Variants in LPP observed in about 807,000 individuals in gnomAD.
The protein encoded by LPP is lipoma-preferred partner.
Under a neutral mutation model 60.4 loss-of-function variants are expected in LPP, and 38 were observed. That is an observed-to-expected ratio of 0.63 (90% CI 0.49 to 0.83). The LOEUF (loss-of-function observed/expected upper bound fraction) is 0.83. Among genes scored for constraint, LPP ranks in the 40% least tolerant of loss-of-function variants. The pLI is 0.00. For missense variants in LPP, 902 were observed against 783.6 expected, an observed-to-expected ratio of 1.15 and a Z score of -1.80; for synonymous variants, 328 against 290.8, an observed-to-expected ratio of 1.13 and a Z score of -1.30.
intron 4 of LPP, among the ~76,000 whole-genome samples, chr3:188,478,512 T>A (rs1330532252): frequency 6.6e-6 from 1 of 152,048 alleles, no homozygotes; most frequent in Non-Finnish European, 1.5e-5. Flanking sequence ...TAGGTTGTGG[T>A]CAAAAAGTTT....
At chr3:188,433,599 T>A (rs201728516) in intron 4 of LPP, among the ~76,000 whole-genome samples, 112 of 137,532 alleles carry the variant, frequency 8.1e-4, no homozygotes, top group East Asian at 1.8e-3. Context: ...AGACAGAAAG[T>A]GAGAGAGAGA....
At position 188,488,125 on chromosome 3, in the gene LPP, C is replaced by T. The variant is rs576688448; in HGVS notation, c.306+3421C>T. Among the ~76,000 whole-genome samples the T allele has an allele frequency of 1.4e-4, 21 of 151,584 alleles. 1 individual carries two copies. The highest frequency in any genetic ancestry group is 1.5e-5 in the Non-Finnish European group (1 of 67,938). On this transcript the variant is annotated intron_variant, in intron 5 of 11. Transcript: ENST00000617246. ...GAATTTGAAAAATCTTGACTCCTGG[C>T]CTTGACCTTCTTCCTGCTGTCCCAG...
rs1231630914 is a variant in LPP at position 188,878,048 on chromosome 3, A to G, written c.*3569A>G. On this transcript the variant is annotated 3_prime_UTR_variant, in exon 12 of 12. Transcript: ENST00000617246. ...AAACAAGTATTTTATATTTGGGTACAGAGGAAGAAAGAGAGGGCTTTTTCC... is the reference window on the plus strand; with the variant it reads ...AAACAAGTATTTTATATTTGGGTACGGAGGAAGAAAGAGAGGGCTTTTTCC... The G allele has an allele frequency of 9.1e-6, 2 of 219,072 alleles. No individual in the cohort carries two copies. Among genetic ancestry groups the G allele is most frequent in the Admixed American group, 1.2e-4 (2 of 17,278 alleles). The allele number at this position is 219,072 out of a possible 1,614,324, so 13.6% of individuals were successfully genotyped here. A position where few individuals can be genotyped will look rare whatever the true frequency, so the allele number is the denominator to read the frequency against.
At chr3:188,681,726 G>A (rs1251544862) in intron 7 of LPP, among the ~76,000 whole-genome samples, 1 of 152,160 alleles carries the variant, frequency 6.6e-6, no homozygotes, top group Non-Finnish European at 1.5e-5. Flanking sequence ...TGGGACCCTT[G>A]TGTAATAATG....
chr3:188,561,275 G>T (rs1001628684), intron 6 of LPP, among the ~76,000 whole-genome samples: 1 of 152,040 alleles, frequency 6.6e-6, no homozygotes, highest in African/African-American at 2.4e-5. Context: ...ACTTGGCAGT[G>T]AACTTTTTTT....
intron 1 of LPP, among the ~76,000 whole-genome samples, chr3:188,203,492 AATATATATAAAT>A (rs1440591202): frequency 1.3e-5 from 1 of 76,852 alleles, no homozygotes; most frequent in Non-Finnish European, 2.3e-5. Flanking sequence ...TATATTTTTA[AATATATATAAAT>A]ATATATATTT....
chr3:188,233,195 G>A (rs1720705477), intron 2 of LPP, among the ~76,000 whole-genome samples: 1 of 152,086 alleles, frequency 6.6e-6, no homozygotes, highest in Non-Finnish European at 1.5e-5. Context: ...ATCATAATGT[G>A]CTCATGTTTT....
chr3:188,524,766 CT>C lies in LPP; in HGVS notation c.409del (p.Tyr137IlefsTer36), dbSNP rs1560518167. 9.9e-6 allele frequency: 16 copies of C among 1,613,984 alleles called. No homozygotes were observed. Among genetic ancestry groups the C allele is most frequent in the Non-Finnish European group, 1.3e-5 (15 of 1,179,942 alleles). ...ILADLECSSP[Y>X]KPRPPQSSTG... is the part of the protein sequence containing the mutation. ...TGGCTGACCTTGAGTGCAGCTCCCC[CT>C]ATAAGCCTCGGCCTCCACAGGTTAG... On this transcript the variant is annotated frameshift_variant, in exon 6 of 12. Coordinates refer to ENST00000617246, the MANE Select transcript of LPP (RefSeq NM_001375462.1). LOFTEE classifies it high-confidence loss of function.
At chr3:188,798,935 A>G (rs575709367) in intron 9 of LPP, among the ~76,000 whole-genome samples, 137 of 152,310 alleles carry the variant, frequency 9.0e-4, no homozygotes, top group Non-Finnish European at 1.6e-3. Context: ...TGTGGGTTCC[A>G]CCCTCTTCAC....
intron 6 of LPP, among the ~76,000 whole-genome samples, chr3:188,534,769 A>G (rs981318450): frequency 6.6e-6 from 1 of 152,204 alleles, no homozygotes; most frequent in African/African-American, 2.4e-5. Flanking sequence ...GAGTATAGTG[A>G]TAATAAGGAT....
intron 2 of LPP, among the ~76,000 whole-genome samples, chr3:188,314,611 G>T (rs1191789668): frequency 6.6e-6 from 1 of 151,936 alleles, no homozygotes; most frequent in Admixed American, 6.6e-5. Flanking sequence ...GTGTGTGTGT[G>T]TGTGATCGAG....
intron 1 of LPP, chr3:188,179,352 C>A (rs1222381355): frequency 2.2e-6 from 1 of 458,142 alleles, no homozygotes; most frequent in Admixed American, 2.3e-5. Flanking sequence ...TCCTCCTAGG[C>A]CCCCGCCTTC....
chr3:188,646,552 T>C (rs1428522091), intron 7 of LPP, among the ~76,000 whole-genome samples: 1 of 152,184 alleles, frequency 6.6e-6, no homozygotes, highest in Non-Finnish European at 1.5e-5. Flanking sequence ...AGGAGTCAGG[T>C]TGCCTATAAA....
chr3:188,508,735 G>A (rs964659716), intron 5 of LPP, among the ~76,000 whole-genome samples: 3 of 152,188 alleles, frequency 2.0e-5, no homozygotes, highest in African/African-American at 4.8e-5. Flanking sequence ...AGAAACTGTC[G>A]AATGAGAGAA....
At position 188,592,557 on chromosome 3, in the gene LPP, G is replaced by GTTTGTTTTTTTTTTTTTTTTTTTTTTTT. The variant is rs1260656926; in HGVS notation, c.430-16601_430-16600insGTTTTTTTTTTTTTTTTTTTTTTTTTTT. Among the ~76,000 whole-genome samples, 24 of 85,774 alleles carry GTTTGTTTTTTTTTTTTTTTTTTTTTTTT rather than the reference G, an allele frequency of 2.8e-4. 2 individuals carry two copies. The highest frequency in any genetic ancestry group is 7.7e-4 in the African/African-American group (17 of 22,164). 56.3% of individuals were successfully genotyped at this position (85,774 alleles called of 152,430 possible). ...TATCACTGTTTTTAGTTTTGTTTTT[G>GTTTGTTTTTTTTTTTTTTTTTTTTTTTT]TTTTTTAAATGGAGTCTCACTCTTT... On this transcript the variant is annotated intron_variant, in intron 6 of 11. Transcript: ENST00000617246.
At chr3:188,368,494 A>G (rs945025811) in intron 3 of LPP, among the ~76,000 whole-genome samples, 5 of 152,122 alleles carry the variant, frequency 3.3e-5, no homozygotes, top group Non-Finnish European at 7.3e-5. Flanking sequence ...ATAGAGGGCC[A>G]GAAGGCTTTA....
At position 188,553,612 on chromosome 3, in the gene LPP, T is replaced by A. The variant is rs574769641; in HGVS notation, c.429+28825T>A. The A allele has an allele frequency of 2.6e-5, 4 of 152,324 alleles. No individual in the cohort carries two copies. In the South Asian group the frequency reaches 8.3e-4, roughly 32 times the overall value. The allele number at this position is 152,324 out of a possible 1,614,324, so 9.4% of individuals were successfully genotyped here. A position where few individuals can be genotyped will look rare whatever the true frequency, so the allele number is the denominator to read the frequency against. On this transcript the variant is annotated intron_variant, in intron 6 of 11. Coordinates refer to ENST00000617246, the MANE Select transcript of LPP (RefSeq NM_001375462.1). ...GTGTTTTTAACATAGGAACGGACAG[T>A]TAACTTGTGTGTTTGTTCAAGAATG... is the stretch of plus-strand genomic sequence containing the variant.
chr3:188,550,784 G>C (rs889005893), intron 6 of LPP, among the ~76,000 whole-genome samples: 2 of 152,006 alleles, frequency 1.3e-5, no homozygotes, highest in African/African-American at 2.4e-5. Context: ...GGTTTAAAAA[G>C]GTTGCAGCCC....
At chr3:188,259,265 C>G (rs1440527394) in intron 2 of LPP, among the ~76,000 whole-genome samples, 1 of 152,144 alleles carries the variant, frequency 6.6e-6, no homozygotes, top group Admixed American at 6.6e-5. Flanking sequence ...GAGACATTTG[C>G]CTTGCTTCTG....
Sources: gnomAD v4.1 joint callset for allele counts (sites outside exome capture counted in the v4.1 genomes callset) on GRCh38, gnomAD v4.1.1 for gene constraint, MANE v1.5 for transcripts, NCBI Gene and HGNC (gene_info 2026-07-23, HGNC 2026-07-21) for gene names.